Variants in PRMT8 observed in about 807,000 individuals in gnomAD.
PRMT8 encodes the protein protein arginine N-methyltransferase 8.
In PRMT8, 7 loss-of-function variants were observed where a neutral mutation model predicts 47.1. That is an observed-to-expected ratio of 0.15 (90% CI 0.08 to 0.28). The LOEUF (loss-of-function observed/expected upper bound fraction) is 0.28, where lower values mean the gene tolerates loss of function less well. PRMT8 is among the 10% of genes least tolerant of loss of function. The pLI, the probability that PRMT8 is intolerant of heterozygous loss-of-function variation, is 1.00. For synonymous variants in PRMT8, 188 were observed against 186.5 expected (o/e 1.01, Z -0.07); for missense variants, 237 against 505.4 (o/e 0.47, Z 5.09).
At position 3,574,756 on chromosome 12, in the gene PRMT8, A is replaced by C. The variant is rs185250153; in HGVS notation, c.713-2115A>C. Reference sequence around the variant, plus strand: ...TATTCGTGCCTAAGATTACACAGCAAATACGTGGCAGAGCTCAGATTTGAA... The same window carrying C: ...TATTCGTGCCTAAGATTACACAGCACATACGTGGCAGAGCTCAGATTTGAA... On this transcript the variant is annotated intron_variant, in intron 6 of 9. Coordinates refer to ENST00000382622, the MANE Select transcript of PRMT8 (RefSeq NM_019854.5). Among the ~76,000 whole-genome samples, 1,065 of 152,322 alleles carry C rather than the reference A, an allele frequency of 7.0e-3. 12 individuals carry two copies. The highest frequency in any genetic ancestry group is 0.024 in the Middle Eastern group (7 of 294).
chr12:3,403,841 C>T (rs564076374), intron 1 of PRMT8, among the ~76,000 whole-genome samples: 5 of 131,444 alleles, frequency 3.8e-5, no homozygotes, highest in African/African-American at 1.5e-4. Flanking sequence ...CATGCCACTG[C>T]ACTCCAGCCT....
At chr12:3,496,214 A>ATATATATATATATATTTTTTTTTTTTTTT in intron 1 of PRMT8, among the ~76,000 whole-genome samples, 2 of 27,774 alleles carry the variant, frequency 7.2e-5, no homozygotes, top group Non-Finnish European at 7.9e-5. Flanking sequence ...ATATATATAT[A>ATATATATATATATATTTTTTTTTTTTTTT]TTTTTTTTTT....
rs1865764835 is a variant in PRMT8, at chr12:3,514,862, C to G, written c.75+23162C>G. Reference sequence around the variant, plus strand: ...TCTGGGTTCCAGTAACTTCTCCCCTCTTGCCTCCTACATCTAGGGGTCATC... The same window carrying G: ...TCTGGGTTCCAGTAACTTCTCCCCTGTTGCCTCCTACATCTAGGGGTCATC... On this transcript the variant is annotated intron_variant, in intron 1 of 9. Transcript: ENST00000382622. This position sits in a 1 kb window ranked among gnomAD's most constrained non-coding sequence, Gnocchi z 5.9. Among the ~76,000 whole-genome samples, 1 of 152,306 alleles carries G rather than the reference C, an allele frequency of 6.6e-6. No individual in the cohort carries two copies. Among genetic ancestry groups the G allele is most frequent in the African/African-American group, 2.4e-5 (1 of 41,562 alleles).
intron 1 of PRMT8, among the ~76,000 whole-genome samples, chr12:3,536,341 C>T (rs971703744): frequency 2.6e-5 from 4 of 152,174 alleles, no homozygotes; most frequent in African/African-American, 9.7e-5. Context: ...TCCCCATGAC[C>T]TGTGGCTATT....
intron 4 of PRMT8, among the ~76,000 whole-genome samples, chr12:3,558,458 A>C (rs565949542): frequency 1.3e-5 from 2 of 152,344 alleles, no homozygotes; most frequent in African/African-American, 2.4e-5. Flanking sequence ...TCAGGAAATT[A>C]AAACGTCATC....
At chr12:3,549,857 G>C in intron 2 of PRMT8, 79 bp from the exon 3 acceptor site, 1 of 1,540,080 alleles carries the variant, frequency 6.5e-7, no homozygotes, top group Middle Eastern at 1.8e-4. Context: ...ACCTGGGGTG[G>C]TCCAGGGGCT....
chr12:3,529,059 C>CA (rs1168815896), intron 1 of PRMT8, among the ~76,000 whole-genome samples: 1 of 152,178 alleles, frequency 6.6e-6, no homozygotes, highest in East Asian at 1.9e-4. Context: ...ATGGTTTGAT[C>CA]AGTCTCAGCT....
At chr12:3,398,210 T>A (rs1400344344) in intron 1 of PRMT8, among the ~76,000 whole-genome samples, 1 of 152,198 alleles carries the variant, frequency 6.6e-6, no homozygotes, top group Non-Finnish European at 1.5e-5. Context: ...GCTGTTCCTA[T>A]TCGGCCATCT....
intron 1 of PRMT8, among the ~76,000 whole-genome samples, chr12:3,442,645 A>G (rs1358280737): frequency 1.3e-5 from 2 of 152,156 alleles, no homozygotes; most frequent in Non-Finnish European, 2.9e-5. Flanking sequence ...TGCATTTCCT[A>G]AACTAGGTGA....
rs556944423 is a variant in PRMT8 at position 3,438,887 on chromosome 12, G to A, written c.48+57445G>A. Among the ~76,000 whole-genome samples the A allele has an allele frequency of 1.3e-5, 2 of 152,244 alleles. 1 individual carries two copies. The highest frequency in any genetic ancestry group is 4.1e-4 in the South Asian group (2 of 4,830). On this transcript the variant is annotated intron_variant, in intron 1 of 9. Coordinates refer to the PRMT8 transcript ENST00000452611. ...CATTAAATGTCCTTTTAAAATTGAT[G>A]GTCATTTCTTTTTATTTTTTCTTTC...
intron 1 of PRMT8, among the ~76,000 whole-genome samples, chr12:3,405,173 A>G (rs950917768): frequency 1.4e-4 from 21 of 152,312 alleles, no homozygotes; most frequent in African/African-American, 4.6e-4. Context: ...CCTTCTTCAC[A>G]TGGTTGCAGG....
rs1214737208 is a variant in PRMT8, at chr12:3,583,806, C to G, written c.979+598C>G. 6.6e-6 allele frequency among the ~76,000 whole-genome samples: 1 copy of G among 152,230 alleles called. No individual in the cohort carries two copies. The highest frequency in any genetic ancestry group is 1.5e-5 in the Non-Finnish European group (1 of 68,038). On this transcript the variant is annotated intron_variant, in intron 8 of 9. Coordinates refer to ENST00000382622, the MANE Select transcript of PRMT8 (RefSeq NM_019854.5). The surrounding 1 kb of genome is among the most constrained non-coding windows in gnomAD (Gnocchi z 4.7). ...CAAATGGGGATCCCATGGCCTGGCCCTGGCCCACTCTCCAGCCTCATTCCT... is the reference window on the plus strand; with the variant it reads ...CAAATGGGGATCCCATGGCCTGGCCGTGGCCCACTCTCCAGCCTCATTCCT...
chr12:3,403,604 G>A (rs551587566), intron 1 of PRMT8, among the ~76,000 whole-genome samples: 39 of 152,078 alleles, frequency 2.6e-4, no homozygotes, highest in Non-Finnish European at 3.8e-4. Context: ...TTTAGGATGA[G>A]TGCGGTGGCT....
At chr12:3,560,086 C>T (rs1565441829) in intron 4 of PRMT8, among the ~76,000 whole-genome samples, 1 of 152,202 alleles carries the variant, frequency 6.6e-6, no homozygotes, top group Non-Finnish European at 1.5e-5. Context: ...ACTTTTTCCT[C>T]CCAGGGTTTG....
At chr12:3,444,623 G>A (rs1565409232) in intron 1 of PRMT8, among the ~76,000 whole-genome samples, 2 of 152,260 alleles carry the variant, frequency 1.3e-5, no homozygotes, top group African/African-American at 4.8e-5. Flanking sequence ...TGAAGGGAAA[G>A]GCATCCAGGT....
intron 1 of PRMT8, among the ~76,000 whole-genome samples, chr12:3,448,585 C>G (rs1290423405): frequency 6.6e-6 from 1 of 152,090 alleles, no homozygotes; most frequent in Admixed American, 6.5e-5. Context: ...CGGTGAGCAG[C>G]ATCACTGGCC....
intron 2 of PRMT8, among the ~76,000 whole-genome samples, chr12:3,542,327 G>A (rs1866246265): frequency 1.3e-5 from 2 of 152,236 alleles, no homozygotes; most frequent in South Asian, 2.1e-4. Flanking sequence ...AGCTGAGCCT[G>A]CAGCTTCTGG....
At chr12:3,476,103 C>T (rs577738495) in intron 1 of PRMT8, among the ~76,000 whole-genome samples, 2 of 152,234 alleles carry the variant, frequency 1.3e-5, no homozygotes, top group South Asian at 4.1e-4. Flanking sequence ...TTCATTTTCC[C>T]TCTAAACACT....
chr12:3,491,831 CCTGTGTGTGTGTGTGT>C, intron 1 of PRMT8, 131 bp downstream of exon 1: 2 of 738,920 alleles, frequency 2.7e-6, no homozygotes, highest in East Asian at 5.4e-5. Context: ...CCGGCCTCCT[CCTGTGTGTGTGTGTGT>C]GTGTGTGTGT....
Sources: allele counts gnomAD v4.1 joint callset (sites outside exome capture counted in the v4.1 genomes callset), GRCh38; gene constraint gnomAD v4.1.1; non-coding constraint Gnocchi (gnomAD v3.1); transcripts MANE v1.5; gene names NCBI Gene and HGNC (gene_info 2026-07-23, HGNC 2026-07-21).